Variants in CLCN5 observed in about 807,000 individuals in gnomAD.
CLCN5 encodes H(+)/Cl(-) exchange transporter 5.
Under a neutral mutation model 54.0 loss-of-function variants are expected in CLCN5, and 17 were observed. That is an observed-to-expected ratio of 0.31 (90% confidence interval 0.22 to 0.47). The LOEUF is 0.47. Among genes scored for constraint, CLCN5 ranks in the 20% least tolerant of loss-of-function variants. CLCN5 has a pLI of 1.00. For synonymous variants in CLCN5, 222 were observed against 233.0 expected (o/e 0.95, Z 0.43); for missense variants, 448 against 646.7 (o/e 0.69, Z 3.33).
intron 3 of CLCN5, among the ~76,000 whole-genome samples, chrX:49,951,981 C>T (rs1373196367): frequency 2.7e-5 from 3 of 112,302 alleles, no homozygotes; most frequent in Non-Finnish European, 3.8e-5. Context: ...CCTGGATCAG[C>T]CAGGCAGCAA....
chrX:50,014,472 A>T (rs1235123977), intron 3 of CLCN5: 1 of 252,937 alleles, frequency 4.0e-6, no homozygotes, highest in Non-Finnish European at 7.7e-6. Flanking sequence ...ACAACATGGG[A>T]CTTCTTATTG....
At chrX:49,944,712 A>T (rs1300107476) in intron 3 of CLCN5, among the ~76,000 whole-genome samples, 2 of 111,497 alleles carry the variant, frequency 1.8e-5, no homozygotes, top group African/African-American at 6.5e-5. Context: ...ACATTTATTG[A>T]TTTGCGTATG....
intron 3 of CLCN5, among the ~76,000 whole-genome samples, chrX:49,960,975 A>T (rs1014506645): frequency 1.8e-5 from 2 of 111,544 alleles, no homozygotes; most frequent in Non-Finnish European, 3.8e-5. Context: ...TCTACTAAAA[A>T]CTGACCTCTC....
In CLCN5 at chrX:49,975,018, C is replaced by T. The variant is rs1212801873; in HGVS notation, c.16+49704C>T. Reference sequence around the variant, plus strand: ...GAGATACACTGAAGAACAAGATAGCCATGGTCACTACCCTAATGGAACCTG... The same window carrying T: ...GAGATACACTGAAGAACAAGATAGCTATGGTCACTACCCTAATGGAACCTG... On this transcript the variant is annotated intron_variant, in intron 3 of 14. Transcript: ENST00000376091. Among the ~76,000 whole-genome samples the T allele has an allele frequency of 1.5e-4, 17 of 112,076 alleles. No homozygotes were observed. The East Asian group carries it at 4.2e-3, about 28-fold the overall frequency.
At chrX:49,950,706 T>A (rs1465625972) in intron 3 of CLCN5, among the ~76,000 whole-genome samples, 1 of 109,391 alleles carries the variant, frequency 9.1e-6, no homozygotes, top group African/African-American at 3.5e-5. Flanking sequence ...TTGCTTTTTT[T>A]AATTCTTAGT....
At chrX:50,046,330 G>A (rs1195075751) in intron 4 of CLCN5, among the ~76,000 whole-genome samples, 1 of 112,069 alleles carries the variant, frequency 8.9e-6, no homozygotes, top group South Asian at 3.7e-4. Flanking sequence ...GCCTAGCACT[G>A]TGCTGTTTTA....
At chrX:49,971,771 A>G (rs1297887559) in intron 3 of CLCN5, among the ~76,000 whole-genome samples, 1 of 111,908 alleles carries the variant, frequency 8.9e-6, no homozygotes, top group Non-Finnish European at 1.9e-5. Flanking sequence ...CACCTGCTCT[A>G]CTGTTCGTGC....
At chrX:50,028,650 T>C (rs782227279) in intron 3 of CLCN5, among the ~76,000 whole-genome samples, 1 of 111,442 alleles carries the variant, frequency 9.0e-6, no homozygotes, top group Non-Finnish European at 1.9e-5. Context: ...CTGAGAAGAG[T>C]TGTTGATTTC....
intron 3 of CLCN5, among the ~76,000 whole-genome samples, chrX:49,994,418 G>C (rs1929410570): frequency 9.1e-6 from 1 of 110,282 alleles, no homozygotes. Flanking sequence ...TTGAAGGAAG[G>C]ATCAGAGAGG....
intron 9 of CLCN5, among the ~76,000 whole-genome samples, chrX:50,082,543 G>A (rs1043743545): frequency 4.5e-5 from 5 of 110,251 alleles, no homozygotes; most frequent in Non-Finnish European, 5.7e-5. Flanking sequence ...GAACTCCTGC[G>A]CTCAAGCAAT....
intron 3 of CLCN5, among the ~76,000 whole-genome samples, chrX:50,033,830 G>A (rs1489731937): frequency 9.0e-6 from 1 of 111,289 alleles, no homozygotes; most frequent in Non-Finnish European, 1.9e-5. Context: ...GCTCTTTAAG[G>A]GTCCTCAGTA....
chrX:50,040,510 C>T (rs1932175348), intron 3 of CLCN5, among the ~76,000 whole-genome samples: 1 of 111,912 alleles, frequency 8.9e-6, no homozygotes, highest in Admixed American at 9.5e-5. Context: ...CTTGTGCATG[C>T]TAAAGAACAT....
chrX:50,074,816 G>C (rs1172558986), intron 6 of CLCN5, among the ~76,000 whole-genome samples: 1 of 111,974 alleles, frequency 8.9e-6, no homozygotes, highest in Admixed American at 9.5e-5. Context: ...CTGAATGCTG[G>C]AACAGTCTGG....
At chrX:50,066,740 A>G (rs1340049649) in intron 4 of CLCN5, among the ~76,000 whole-genome samples, 1 of 112,294 alleles carries the variant, frequency 8.9e-6, no homozygotes, top group Non-Finnish European at 1.9e-5. Context: ...TCCAGGTTGG[A>G]TTAATGAGTA....
At position 50,090,165 on chromosome X, in the gene CLCN5, G is replaced by T; in HGVS notation, c.1794G>T (p.Leu598=). Residue 598 remains leucine (L), a synonymous_variant, in exon 13 of 15, where the codon CTG becomes CTT. Transcript: ENST00000376091. The part of the protein sequence containing the change: ...TVSLVVIMFE[L]TGGLEYIVPL... ...CTCTTGTTGTCATAATGTTTGAACTGACTGGTGGCTTAGAATACATCGTGC... is the reference window on the plus strand; with the variant it reads ...CTCTTGTTGTCATAATGTTTGAACTTACTGGTGGCTTAGAATACATCGTGC... 8.3e-7 allele frequency: 1 copy of T among 1,211,299 alleles called. No individual in the cohort carries two copies. Among genetic ancestry groups the T allele is most frequent in the Admixed American group, 2.2e-5 (1 of 46,038 alleles).
At chrX:49,950,117 G>A (rs1926964690) in intron 3 of CLCN5, among the ~76,000 whole-genome samples, 1 of 111,877 alleles carries the variant, frequency 8.9e-6, no homozygotes, top group Non-Finnish European at 1.9e-5. Flanking sequence ...TGAAAGGACC[G>A]TTAGTATAAC....
chrX:49,954,336 T>G (rs1346480249), intron 3 of CLCN5, among the ~76,000 whole-genome samples: 1 of 111,538 alleles, frequency 9.0e-6, no homozygotes, highest in African/African-American at 3.3e-5. Context: ...CTTGAAACAT[T>G]ATGAGATTTT....
chrX:50,058,858 A>C (rs938402642), intron 4 of CLCN5, among the ~76,000 whole-genome samples: 1 of 111,208 alleles, frequency 9.0e-6, no homozygotes, highest in East Asian at 2.8e-4. Flanking sequence ...ACAAAAATCT[A>C]GACTCACCTA....
intron 3 of CLCN5, among the ~76,000 whole-genome samples, chrX:50,039,067 C>T (rs1238549004): frequency 9.0e-6 from 1 of 111,259 alleles, no homozygotes; most frequent in African/African-American, 3.3e-5. Flanking sequence ...TTGCTTGAGC[C>T]CAGGAGTTCA....
Sources: allele counts gnomAD v4.1 joint callset (sites outside exome capture counted in the v4.1 genomes callset), GRCh38; gene constraint gnomAD v4.1.1; transcripts MANE v1.5; gene names NCBI Gene and HGNC (gene_info 2026-07-23, HGNC 2026-07-21).